TMEM26: variants seen among roughly 807,000 people sequenced by gnomAD.
The protein encoded by TMEM26 is transmembrane protein 26.
In TMEM26, 38 loss-of-function variants were observed where a neutral mutation model predicts 28.8. That is an observed-to-expected ratio of 1.32 (90% CI 1.02 to 1.73). TMEM26 has a LOEUF of 1.73. Among genes scored for constraint, TMEM26 ranks in the 40% most tolerant of loss-of-function variants. The pLI, the probability that TMEM26 is intolerant of heterozygous loss-of-function variation, is 0.00. For missense variants in TMEM26, 518 were observed against 447.1 expected (o/e 1.16, Z -1.43); for synonymous variants, 227 against 182.9 (o/e 1.24, Z -1.95).
At chr10:61,426,728 A>G (rs566600778) in intron 4 of TMEM26, among the ~76,000 whole-genome samples, 2 of 152,084 alleles carry the variant, frequency 1.3e-5, no homozygotes, top group Non-Finnish European at 2.9e-5. Context: ...CCCTTCTTCT[A>G]TTAGATATAA....
Position 61,413,504 on chromosome 10 carries a change from C to G in TMEM26, c.637G>C (p.Val213Leu). The G allele has an allele frequency of 6.2e-7, 1 of 1,612,954 alleles. No homozygotes were observed. Among genetic ancestry groups the G allele is most frequent in the Non-Finnish European group, 8.5e-7 (1 of 1,179,304 alleles). Reference sequence around the variant, plus strand: ...TGCAGCATGCTCCAAGTCCATATAACAAGGATGGCATAGACTAGTGCAGGA... The same window carrying G: ...TGCAGCATGCTCCAAGTCCATATAAGAAGGATGGCATAGACTAGTGCAGGA... The part of the protein sequence containing the change: ...NSPALVYAIL[V>L]IWTWSMLQFP... Residue 213 changes from valine (V) to leucine (L), a missense_variant, in exon 5 of 6, where the codon GTT becomes CTT. Physicochemically the swap from Val to Leu is conservative, Grantham distance 32 (BLOSUM62 1). Coordinates refer to ENST00000399298, the MANE Select transcript of TMEM26 (RefSeq NM_178505.8).
intron 5 of TMEM26, among the ~76,000 whole-genome samples, chr10:61,411,016 G>A (rs927172497): frequency 2.6e-4 from 39 of 152,176 alleles, no homozygotes; most frequent in Non-Finnish European, 1.9e-4. Flanking sequence ...GATTCTAGGA[G>A]CCAGTCATGG....
intron 4 of TMEM26, among the ~76,000 whole-genome samples, chr10:61,425,318 G>A (rs111381468): frequency 1.3e-5 from 2 of 152,230 alleles, no homozygotes; most frequent in African/African-American, 2.4e-5. Context: ...TTCAAGATGA[G>A]ATTTGGGCAG....
In TMEM26 at chr10:61,428,940, T is replaced by G. The variant is rs1453855428; in HGVS notation, c.591A>C (p.Glu197Asp). ...DILEFTSETL[E>D]EQNVRNSPAL... Reference sequence around the variant, plus strand: ...GGAATGCTCACCTCACATTTTGTTCTTCTAGGGTCTCACTTGTGAATTCCA... The same window carrying G: ...GGAATGCTCACCTCACATTTTGTTCGTCTAGGGTCTCACTTGTGAATTCCA... The change falls in exon 4 of 6, where the codon GAA (glutamate) becomes GAC (aspartate). Residue 197 changes from glutamate to aspartate, a missense_variant. By Grantham distance (45) the Glu-to-Asp change is conservative. Coordinates refer to ENST00000399298, the MANE Select transcript of TMEM26 (RefSeq NM_178505.8). 6.2e-7 allele frequency: 1 copy of G among 1,613,042 alleles called. No individual in the cohort carries two copies. The highest frequency in any genetic ancestry group is 1.1e-5 in the South Asian group (1 of 91,076).
intron 3 of TMEM26, 68 bp downstream of exon 3, chr10:61,431,151 G>T: frequency 8.0e-7 from 1 of 1,246,212 alleles, no homozygotes; most frequent in Non-Finnish European, 1.2e-6. Flanking sequence ...ATGTATAGCA[G>T]GTAATTGAGG....
In TMEM26 at chr10:61,433,993, T is replaced by TATC. The variant is rs139658767; in HGVS notation, c.270+2176_270+2177insGAT. 3.2e-3 allele frequency among the ~76,000 whole-genome samples: 481 copies of TATC among 152,236 alleles called. 3 individuals are homozygous for TATC. The highest frequency in any genetic ancestry group is 0.011 in the African/African-American group (464 of 41,554). On this transcript the variant is annotated intron_variant, in intron 2 of 5. Transcript: ENST00000399298. ...CTAACCTATGGAGTTGTTGGGTCCATATATGTGAAAACATTTGTGAAAGTG... is the reference window on the plus strand; with the variant it reads ...CTAACCTATGGAGTTGTTGGGTCCATATCATATGTGAAAACATTTGTGAAAGTG...
At chr10:61,451,248 AG>A (rs1840274711) in intron 1 of TMEM26, among the ~76,000 whole-genome samples, 1 of 152,204 alleles carries the variant, frequency 6.6e-6, no homozygotes, top group Non-Finnish European at 1.5e-5. Context: ...GTAGACGTGA[AG>A]GTAAAGTTCC....
chr10:61,410,763 G>C lies in TMEM26; in HGVS notation c.683-17C>G. On this transcript the variant is annotated splice_polypyrimidine_tract_variant and intron_variant, in intron 5 of 5. Transcript: ENST00000399298. ...CGTTCTGTACTGAAAACACAAGACA[G>C]ACTAGTTACTATCTCTCTTGGAAGT... The C allele has an allele frequency of 6.2e-7, 1 of 1,609,962 alleles. No homozygotes were observed. Among genetic ancestry groups the C allele is most frequent in the Non-Finnish European group, 8.5e-7 (1 of 1,177,378 alleles).
intron 1 of TMEM26, among the ~76,000 whole-genome samples, chr10:61,436,975 C>T (rs1381408426): frequency 1.3e-5 from 2 of 152,154 alleles, no homozygotes; most frequent in Non-Finnish European, 2.9e-5. Context: ...ACAAAAACGT[C>T]ACTGCATCAG....
rs552414560 is a variant in TMEM26 at position 61,420,672 on chromosome 10, A to G, written c.606-7137T>C. Among the ~76,000 whole-genome samples, 8 of 152,032 alleles carry G rather than the reference A, an allele frequency of 5.3e-5. No homozygotes were observed. In the South Asian group the frequency reaches 1.4e-3, roughly 28 times the overall value. On this transcript the variant is annotated intron_variant, in intron 4 of 5. Coordinates refer to ENST00000399298, the MANE Select transcript of TMEM26 (RefSeq NM_178505.8). ...AACCTGTCAACCAATAATTCTTTAT[A>G]TAGCAAAATTATCCTTTAAACATGA...
Position 61,434,971 on chromosome 10 carries a change from T to C in TMEM26, c.270+1199A>G, listed in dbSNP as rs74157962. The stretch of plus-strand genomic sequence containing the variant: ...AAGTTACCAAAATATTATTAGGTCA[T>C]AACTACATTTCTCTGTAACATAGTC... On this transcript the variant is annotated intron_variant, in intron 2 of 5. Transcript: ENST00000399298. Among the ~76,000 whole-genome samples the C allele has an allele frequency of 8.0e-3, 1,225 of 152,326 alleles. 20 individuals are homozygous for C. The highest frequency in any genetic ancestry group is 0.028 in the African/African-American group (1,166 of 41,566).
At chr10:61,440,691 T>G (rs1454990315) in intron 1 of TMEM26, among the ~76,000 whole-genome samples, 1 of 152,200 alleles carries the variant, frequency 6.6e-6, no homozygotes, top group Non-Finnish European at 1.5e-5. Context: ...CTCTGGTCAC[T>G]TTTATGCCAT....
At chr10:61,413,561 T>G in intron 4 of TMEM26, 26 bp from the exon 5 acceptor site, 1 of 1,578,940 alleles carries the variant, frequency 6.3e-7, no homozygotes, top group Non-Finnish European at 8.6e-7. Context: ...AATGTTAAAT[T>G]TGTAATAAAA....
chr10:61,415,988 A>G, intron 4 of TMEM26: 1 of 398,538 alleles, frequency 2.5e-6, no homozygotes, highest in Non-Finnish European at 5.0e-6. Context: ...GGCTCAAAGG[A>G]TTTCAGTTGC....
chr10:61,450,159 A>G lies in TMEM26; in HGVS notation c.191+2732T>C, dbSNP rs1395750951. The stretch of plus-strand genomic sequence containing the variant: ...TTAGTTCTACAGGGTTGATTCCAAA[A>G]TATAAGACTATAAGAGCAATGGAAA... On this transcript the variant is annotated intron_variant, in intron 1 of 5. Transcript: ENST00000399298. Among the ~76,000 whole-genome samples the G allele has an allele frequency of 2.0e-5, 3 of 152,118 alleles. No individual in the cohort carries two copies. In the East Asian group the frequency reaches 5.8e-4, roughly 29 times the overall value.
rs562398544 is a variant in TMEM26 at position 61,448,904 on chromosome 10, G to A, written c.191+3987C>T. Reference sequence around the variant, plus strand: ...TTATTCTCAGATAATGCCTGCTTTCGAGTGAACAGCCTTCAAACTTGTCAC... The same window carrying A: ...TTATTCTCAGATAATGCCTGCTTTCAAGTGAACAGCCTTCAAACTTGTCAC... On this transcript the variant is annotated intron_variant, in intron 1 of 5. Coordinates refer to ENST00000399298, the MANE Select transcript of TMEM26 (RefSeq NM_178505.8). Among the ~76,000 whole-genome samples the A allele has an allele frequency of 5.9e-5, 9 of 152,170 alleles. No homozygotes were observed. In the South Asian group the frequency reaches 8.3e-4, roughly 14 times the overall value.
At chr10:61,436,275 T>G in intron 1 of TMEM26, 27 bp from the exon 2 acceptor site, 3 of 1,461,560 alleles carry the variant, frequency 2.1e-6, no homozygotes, top group Non-Finnish European at 2.8e-6. Context: ...GAAAAAATAG[T>G]TTAGCTAATT....
intron 1 of TMEM26, among the ~76,000 whole-genome samples, chr10:61,445,822 T>A (rs1840171329): frequency 6.6e-6 from 1 of 152,136 alleles, no homozygotes; most frequent in South Asian, 2.1e-4. Flanking sequence ...TTGATGTAAA[T>A]GTGAATTTTT....
At chr10:61,433,403 C>G (rs1015284651) in intron 2 of TMEM26, among the ~76,000 whole-genome samples, 1 of 152,038 alleles carries the variant, frequency 6.6e-6, no homozygotes, top group Non-Finnish European at 1.5e-5. Context: ...TATCTGGATA[C>G]CAACATGCCT....
Sources: gnomAD v4.1 joint callset for allele counts (sites outside exome capture counted in the v4.1 genomes callset) on GRCh38, gnomAD v4.1.1 for gene constraint, MANE v1.5 for transcripts, NCBI Gene and HGNC (gene_info 2026-07-23, HGNC 2026-07-21) for gene names.